Variants in RAPGEF4 observed in about 807,000 individuals in gnomAD.
The protein encoded by RAPGEF4 is Rap guanine nucleotide exchange factor 4.
RAPGEF4 carries 66 observed loss-of-function variants against 147.9 expected under a neutral mutation model. The ratio of observed to expected loss-of-function variants is 0.45; its 90% CI spans 0.37 to 0.55. The LOEUF is 0.55. Ranked by LOEUF, RAPGEF4 falls within the 20% of genes least tolerant of loss-of-function variation. The pLI is 0.00. For missense variants in RAPGEF4, 1,071 were observed against 1,257.3 expected (o/e 0.85, Z 2.24); for synonymous variants, 419 against 442.7 (o/e 0.95, Z 0.67).
At chr2:172,856,806 A>T (rs573194211) in intron 4 of RAPGEF4, among the ~76,000 whole-genome samples, 1 of 151,972 alleles carries the variant, frequency 6.6e-6, no homozygotes, top group South Asian at 2.1e-4. Flanking sequence ...TCTAGCTGCT[A>T]TCATTTCCCT....
chr2:172,815,764 G>C (rs573471950), intron 4 of RAPGEF4, among the ~76,000 whole-genome samples: 1 of 152,318 alleles, frequency 6.6e-6, no homozygotes, highest in East Asian at 1.9e-4. Context: ...AGAGAGGATG[G>C]TTTGTGGAAA....
At chr2:172,763,857 A>T (rs1696576018) in intron 1 of RAPGEF4, among the ~76,000 whole-genome samples, 1 of 152,200 alleles carries the variant, frequency 6.6e-6, no homozygotes, top group Non-Finnish European at 1.5e-5. Context: ...AAAATTGTAA[A>T]TGTATACATA....
chr2:173,045,603 G>C (rs1428341855), intron 29 of RAPGEF4, among the ~76,000 whole-genome samples: 1 of 152,228 alleles, frequency 6.6e-6, no homozygotes, highest in East Asian at 1.9e-4. Context: ...CGTGGCATTT[G>C]TAAACTGTCA....
rs1223216054 is a variant in RAPGEF4 at position 172,756,426 on chromosome 2, G to T, written c.65+20378G>T. ...AGCTCCCACTCTTAGCTTTCACATG[G>T]CCCTCACCACTGTGGGTGAGCCTCC... On this transcript the variant is annotated intron_variant, in intron 1 of 30. Transcript: ENST00000397081. Among the ~76,000 whole-genome samples the T allele has an allele frequency of 2.6e-5, 4 of 152,082 alleles. No homozygotes were observed. The East Asian group carries it at 7.7e-4, about 29-fold the overall frequency.
At chr2:172,766,051 ATTAGAGTTC>A (rs1408221469) in intron 1 of RAPGEF4, among the ~76,000 whole-genome samples, 1 of 152,176 alleles carries the variant, frequency 6.6e-6, no homozygotes, top group Non-Finnish European at 1.5e-5. Context: ...TCACATGTGA[ATTAGAGTTC>A]TTGTCCCTTA....
intron 10 of RAPGEF4, among the ~76,000 whole-genome samples, chr2:172,973,101 T>A (rs1690671671): frequency 8.5e-6 from 1 of 117,456 alleles, no homozygotes; most frequent in Non-Finnish European, 1.9e-5. Context: ...AAGCCCCTTT[T>A]TTTTTCTTTT....
At chr2:172,844,470 A>G in intron 4 of RAPGEF4, among the ~76,000 whole-genome samples, 1 of 152,008 alleles carries the variant, frequency 6.6e-6, no homozygotes, top group East Asian at 1.9e-4. Context: ...TGACTTCAGG[A>G]CCTCTTGCAT....
intron 4 of RAPGEF4, among the ~76,000 whole-genome samples, chr2:172,823,530 G>A (rs1689320601): frequency 6.6e-6 from 1 of 152,180 alleles, no homozygotes; most frequent in South Asian, 2.1e-4. Context: ...GGTGAGGACT[G>A]GGGGATACTG....
At chr2:172,993,427 T>C (rs1221298707) in intron 15 of RAPGEF4, among the ~76,000 whole-genome samples, 1 of 152,224 alleles carries the variant, frequency 6.6e-6, no homozygotes, top group Admixed American at 6.5e-5. Flanking sequence ...CAGGTCCCCT[T>C]CTCCACACCC....
intron 17 of RAPGEF4, among the ~76,000 whole-genome samples, chr2:173,011,478 ATATTGACTTATTT>A (rs535729310): frequency 9.2e-5 from 14 of 152,292 alleles, no homozygotes; most frequent in African/African-American, 2.9e-4. Context: ...TAGCATAAGA[ATATTGACTTATTT>A]TATGAATTGT....
chr2:172,860,647 T>G (rs528546427), intron 4 of RAPGEF4, among the ~76,000 whole-genome samples: 255 of 151,952 alleles, frequency 1.7e-3, no homozygotes, highest in Non-Finnish European at 3.1e-3. Flanking sequence ...ACTCAGTTAT[T>G]TGGCAATTGT....
intron 4 of RAPGEF4, among the ~76,000 whole-genome samples, chr2:172,850,830 C>A (rs552354552): frequency 1.3e-5 from 2 of 152,110 alleles, no homozygotes; most frequent in Non-Finnish European, 2.9e-5. Context: ...GATCTTCTCT[C>A]TTTTTTTCCT....
At chr2:172,963,021 CAATCATGGCA>C (rs1689458130) in intron 8 of RAPGEF4, among the ~76,000 whole-genome samples, 1 of 152,084 alleles carries the variant, frequency 6.6e-6, no homozygotes, top group South Asian at 2.1e-4. Context: ...AGGAAACCTA[CAATCATGGCA>C]GAGGGCAAAG....
intron 4 of RAPGEF4, among the ~76,000 whole-genome samples, chr2:172,892,989 A>G (rs1698097057): frequency 6.6e-6 from 1 of 152,230 alleles, no homozygotes; most frequent in Non-Finnish European, 1.5e-5. Context: ...TATTCTTTAC[A>G]TTGAAAAGTT....
At chr2:172,892,228 G>A (rs1179181778) in intron 4 of RAPGEF4, among the ~76,000 whole-genome samples, 3 of 152,148 alleles carry the variant, frequency 2.0e-5, no homozygotes, top group Non-Finnish European at 4.4e-5. Context: ...GTCCAGCTAG[G>A]ACATCCTCAT....
chr2:173,039,339 C>A (rs1258707691), intron 29 of RAPGEF4, among the ~76,000 whole-genome samples: 1 of 151,848 alleles, frequency 6.6e-6, no homozygotes, highest in African/African-American at 2.4e-5. Flanking sequence ...GTGGCGGGCA[C>A]CTGTAGTCCC....
At position 173,006,608 on chromosome 2, in the gene RAPGEF4, C is replaced by T. The variant is rs551589377; in HGVS notation, c.1658+5264C>T. On this transcript the variant is annotated intron_variant, in intron 17 of 30. Coordinates refer to ENST00000397081, the MANE Select transcript of RAPGEF4 (RefSeq NM_007023.4). ...TATAGAAGCAAACACAACAGCTTCC[C>T]TCACTGAAAAATTAGGGTCCCTGTC... Among the ~76,000 whole-genome samples, 4 of 152,284 alleles carry T rather than the reference C, an allele frequency of 2.6e-5. No individual in the cohort carries two copies. The South Asian group carries it at 8.3e-4, about 32-fold the overall frequency.
chr2:172,795,145 G>A lies in RAPGEF4; in HGVS notation c.186G>A (p.Glu62=), dbSNP rs1468237751. ...LHQICLCGYY[E]NLEKGITLFR... The stretch of plus-strand genomic sequence containing the variant: ...AGATTTGCTTATGTGGTTATTATGA[G>A]AATCTGGAAAAGGGAATAACATGTA... Residue 62 remains glutamate, a synonymous_variant, in exon 2 of 31, where the codon GAG becomes GAA. Coordinates refer to ENST00000397081, the MANE Select transcript of RAPGEF4 (RefSeq NM_007023.4). 2.5e-6 allele frequency: 4 copies of A among 1,610,558 alleles called. No individual in the cohort carries two copies. The African/African-American group carries it at 4.0e-5, about 16-fold the overall frequency.
At chr2:172,848,081 A>G (rs796270669) in intron 4 of RAPGEF4, among the ~76,000 whole-genome samples, 12 of 152,318 alleles carry the variant, frequency 7.9e-5, no homozygotes, top group African/African-American at 2.6e-4. Flanking sequence ...TTGAGAGTCT[A>G]GTTGGAAAGA....
Sources: gnomAD v4.1 joint callset for allele counts (sites outside exome capture counted in the v4.1 genomes callset) on GRCh38, gnomAD v4.1.1 for gene constraint, MANE v1.5 for transcripts, NCBI Gene and HGNC (gene_info 2026-07-23, HGNC 2026-07-21) for gene names.